Variants in KLHL25 observed in about 807,000 individuals in gnomAD.
KLHL25 encodes kelch-like protein 25.
In KLHL25, 41 loss-of-function variants were observed where a neutral mutation model predicts 30.0. The observed-to-expected ratio is 1.37, with a 90% CI of 1.07 to 1.78. The LOEUF (loss-of-function observed/expected upper bound fraction) is 1.78. Among genes scored for constraint, KLHL25 ranks in the 40% most tolerant of loss-of-function variants. The pLI is 0.00. For missense variants in KLHL25, 971 were observed against 824.5 expected (o/e 1.18, Z -2.18); for synonymous variants, 399 against 355.3 (o/e 1.12, Z -1.38).
chr15:85,765,788 T>A (rs1396349022), intron 2 of KLHL25, among the ~76,000 whole-genome samples: 2 of 139,640 alleles, frequency 1.4e-5, no homozygotes, highest in African/African-American at 5.4e-5. Context: ...GCAGAGATCG[T>A]ACCCTGCACT....
At chr15:85,765,354 G>A (rs1327289397) in intron 2 of KLHL25, among the ~76,000 whole-genome samples, 1 of 151,908 alleles carries the variant, frequency 6.6e-6, no homozygotes, top group Non-Finnish European at 1.5e-5. Context: ...GACCGGGCAC[G>A]AAGGCTCACA....
intron 1 of KLHL25, among the ~76,000 whole-genome samples, chr15:85,776,514 C>T (rs1418111963): frequency 6.6e-6 from 1 of 151,986 alleles, no homozygotes; most frequent in African/African-American, 2.4e-5. Flanking sequence ...CAAAAAAAAC[C>T]TTTATGCATA....
chr15:85,788,056 CAAAAAAAAA>C (rs60547525), intron 1 of KLHL25, among the ~76,000 whole-genome samples: 5 of 58,306 alleles, frequency 8.6e-5, no homozygotes, highest in East Asian at 4.7e-4. Context: ...AACTAGATCT[CAAAAAAAAA>C]AAAAAAAAAA....
chr15:85,790,802 C>T (rs79325979), intron 1 of KLHL25, among the ~76,000 whole-genome samples: 204 of 151,816 alleles, frequency 1.3e-3, no homozygotes, highest in African/African-American at 4.5e-3. Flanking sequence ...CAGGAGACCA[C>T]TGTGGGAGAA....
At chr15:85,794,600 G>C (rs991700003) in intron 1 of KLHL25, among the ~76,000 whole-genome samples, 166 bp downstream of exon 1, 15 of 152,082 alleles carry the variant, frequency 9.9e-5, no homozygotes, top group African/African-American at 3.6e-4. Flanking sequence ...CATTGTCCCA[G>C]GGCCCCGGCC....
rs5814216 is a variant in KLHL25 at position 85,789,387 on chromosome 15, CTTT to C, written c.-11+5376_-11+5378del. Among the ~76,000 whole-genome samples, 1 of 146,970 alleles carries C rather than the reference CTTT, an allele frequency of 6.8e-6. No individual in the cohort carries two copies. ...GCCCTGCTGGGCTCCCTTGAGATCC[CTTT>C]TTTTTTTTTTGACAGAATTTTACTC... On this transcript the variant is annotated intron_variant, in intron 1 of 2. Transcript: ENST00000337975. The surrounding 1 kb of genome is among the most constrained non-coding windows in gnomAD (Gnocchi z 4.1).
Position 85,768,621 on chromosome 15 carries a change from G to A in KLHL25, c.1190C>T (p.Thr397Ile), listed in dbSNP as rs745886894. ...ENCLYVVGGH[T>I]SLAGVFPASP... ...GGCCGGGAAGACCCCTGCCAGGGAT[G>A]TGTGTCCCCCCACCACATAGAGGCA... Residue 397 changes from threonine to isoleucine, a missense_variant, in exon 2 of 3, where the codon ACA (threonine) becomes ATA (isoleucine). Transcript: ENST00000337975. 16 of 1,612,178 alleles carry A rather than the reference G, an allele frequency of 9.9e-6. No individual in the cohort carries two copies. The highest frequency in any genetic ancestry group is 1.4e-5 in the Non-Finnish European group (16 of 1,178,846).
In KLHL25 at chr15:85,769,473, T is replaced by G. The variant is rs538463857; in HGVS notation, c.338A>C (p.Asn113Thr). Residue 113 changes from asparagine to threonine, a missense_variant, in exon 2 of 3, where the codon AAC becomes ACC. By Grantham distance (65) the Asn-to-Thr change is moderately conservative (BLOSUM62 0). Coordinates refer to ENST00000337975, the MANE Select transcript of KLHL25 (RefSeq NM_022480.4). ...CAGCAGTGACTCAGCGTTCTCCTCG[T>G]TGATGGCGATGCGTGAGGAGTAGGC... ...DFAYSSRIAINEENAESLLEA... is the reference protein window; with the variant it reads ...DFAYSSRIAITEENAESLLEA... The G allele has an allele frequency of 1.8e-5, 29 of 1,614,054 alleles. No individual in the cohort carries two copies. The highest frequency in any genetic ancestry group is 2.4e-5 in the Non-Finnish European group (28 of 1,180,024).
chr15:85,792,504 T>C (rs897870933), intron 1 of KLHL25, among the ~76,000 whole-genome samples: 1 of 152,176 alleles, frequency 6.6e-6, no homozygotes, highest in African/African-American at 2.4e-5. Flanking sequence ...GACAATGGGC[T>C]GGTCTTTGGG....
rs199550414 is a variant in KLHL25, at chr15:85,769,573, G to A, written c.238C>T (p.Arg80Trp). 4.5e-4 allele frequency: 728 copies of A among 1,613,700 alleles called. No individual in the cohort carries two copies. The highest frequency in any genetic ancestry group is 5.9e-4 in the Non-Finnish European group (692 of 1,180,022). Residue 80 changes from arginine to tryptophan, a missense_variant, in exon 2 of 3, where the codon CGG becomes TGG. By Grantham distance (101) the Arg-to-Trp change is moderately radical (BLOSUM62 -3). Coordinates refer to ENST00000337975, the MANE Select transcript of KLHL25 (RefSeq NM_022480.4). The stretch of plus-strand genomic sequence containing the variant: ...TTGACAGTGTCATCCCGGCTCTCCC[G>A]AAGGCCATGGCTGAACATGGCCTCA... ...YFEAMFSHGLRESRDDTVNFQ... is the reference protein window; with the variant it reads ...YFEAMFSHGLWESRDDTVNFQ...
intron 1 of KLHL25, among the ~76,000 whole-genome samples, chr15:85,787,532 G>A (rs1296221794): frequency 6.6e-6 from 1 of 152,194 alleles, no homozygotes; most frequent in Non-Finnish European, 1.5e-5. Flanking sequence ...TCTTTGCAAA[G>A]GGCATTTGGC....
chr15:85,777,138 T>C lies in KLHL25; in HGVS notation c.-10-7318A>G, dbSNP rs137941553. 2.2e-3 allele frequency among the ~76,000 whole-genome samples: 329 copies of C among 152,264 alleles called. 3 individuals carry two copies. The highest frequency in any genetic ancestry group is 7.6e-3 in the African/African-American group (315 of 41,550). The stretch of plus-strand genomic sequence containing the variant: ...GGCTGCCCATGGGGCAGTTCTAGAA[T>C]GGAGCAAGGATCAGGGAAGGGCTGA... On this transcript the variant is annotated intron_variant, in intron 1 of 2. Transcript: ENST00000337975.
At chr15:85,766,310 T>C (rs1326217294) in intron 2 of KLHL25, among the ~76,000 whole-genome samples, 1 of 152,154 alleles carries the variant, frequency 6.6e-6, no homozygotes, top group East Asian at 1.9e-4. Context: ...AGGGATCTTA[T>C]GCCCCTATTG....
chr15:85,772,869 C>T (rs556517934), intron 1 of KLHL25, among the ~76,000 whole-genome samples: 16 of 152,254 alleles, frequency 1.1e-4, no homozygotes, highest in South Asian at 2.1e-4. Flanking sequence ...CTCATGTACA[C>T]GCCCAGGCAG....
At chr15:85,770,657 T>C (rs2089665248) in intron 1 of KLHL25, 1 of 458,704 alleles carries the variant, frequency 2.2e-6, no homozygotes, top group Non-Finnish European at 4.6e-6. Flanking sequence ...CAGCAGGACA[T>C]GCCGAACCCT....
chr15:85,773,389 G>A lies in KLHL25; in HGVS notation c.-10-3569C>T, dbSNP rs990870442. Among the ~76,000 whole-genome samples the A allele has an allele frequency of 3.9e-5, 6 of 152,360 alleles. No individual in the cohort carries two copies. The East Asian group carries it at 1.2e-3, about 29-fold the overall frequency. ...CGAGGCAGTGGTGAATGCTGCCCAGGCGGCTGCGACACCTGACATGTGGTA... is the reference window on the plus strand; with the variant it reads ...CGAGGCAGTGGTGAATGCTGCCCAGACGGCTGCGACACCTGACATGTGGTA... On this transcript the variant is annotated intron_variant, in intron 1 of 2. Transcript: ENST00000337975.
chr15:85,771,328 C>A (rs1183324699), intron 1 of KLHL25, among the ~76,000 whole-genome samples: 3 of 152,102 alleles, frequency 2.0e-5, no homozygotes, highest in Non-Finnish European at 2.9e-5. Context: ...AAACAAAAAA[C>A]CCTAAACAAC....
chr15:85,777,940 A>G (rs2080861536), intron 1 of KLHL25, among the ~76,000 whole-genome samples: 1 of 152,246 alleles, frequency 6.6e-6, no homozygotes, highest in African/African-American at 2.4e-5. Context: ...GGCATTTTAC[A>G]TACAAAATTT....
At position 85,768,929 on chromosome 15, in the gene KLHL25, G is replaced by A; in HGVS notation, c.882C>T (p.Gly294=). 1 of 1,613,308 alleles carries A rather than the reference G, an allele frequency of 6.2e-7. No individual in the cohort carries two copies. Among genetic ancestry groups the A allele is most frequent in the Non-Finnish European group, 8.5e-7 (1 of 1,180,040 alleles). ...TSPCARPRKA[G]HTLLILGGQT... The stretch of plus-strand genomic sequence containing the variant: ...GGCCCCCCAGGATGAGTAGCGTGTG[G>A]CCCGCCTTGCGTGGCCGGGCACAGG... Residue 294 remains glycine (G), a synonymous_variant, in exon 2 of 3, where the codon GGC becomes GGT. Transcript: ENST00000337975.
Sources: gnomAD v4.1 joint callset for allele counts (sites outside exome capture counted in the v4.1 genomes callset) on GRCh38, gnomAD v4.1.1 for gene constraint, Gnocchi (gnomAD v3.1) non-coding constraint, MANE v1.5 for transcripts, NCBI Gene and HGNC (gene_info 2026-07-23, HGNC 2026-07-21) for gene names.